BRINP2: variants seen among roughly 807,000 people sequenced by gnomAD.
The protein encoded by BRINP2 is BMP/retinoic acid-inducible neural-specific protein 2.
Under a neutral mutation model 69.2 loss-of-function variants are expected in BRINP2, and 21 were observed. The observed-to-expected ratio is 0.30, with a 90% confidence interval of 0.22 to 0.44. BRINP2 has a LOEUF of 0.44. BRINP2 is among the 20% of genes least tolerant of loss of function. The probability of loss-of-function intolerance (pLI) is 1.00; values close to 1 mark genes in which losing one functional copy is unlikely to be tolerated. For missense variants in BRINP2, 877 were observed against 986.0 expected, an observed-to-expected ratio of 0.89 and a Z score of 1.48; for synonymous variants, 380 against 394.1, an observed-to-expected ratio of 0.96 and a Z score of 0.42.
chr1:177,176,694 C>T (rs913757145), intron 1 of BRINP2, among the ~76,000 whole-genome samples: 1 of 151,846 alleles, frequency 6.6e-6, no homozygotes, highest in African/African-American at 2.4e-5. Flanking sequence ...CCAGAGTGAG[C>T]CTTAAGGCAT....
At chr1:177,242,549 A>G (rs1297444674) in intron 2 of BRINP2, among the ~76,000 whole-genome samples, 1 of 152,052 alleles carries the variant, frequency 6.6e-6, no homozygotes, top group Non-Finnish European at 1.5e-5. Flanking sequence ...TTTCAAACTC[A>G]TCTAAATTAT....
At position 177,230,145 on chromosome 1, in the gene BRINP2, G is replaced by A; in HGVS notation, c.269G>A (p.Arg90Lys). The change falls in exon 2 of 8, where the codon AGG (arginine) becomes AAG (lysine). Residue 90 changes from arginine to lysine, a missense_variant and splice_region_variant. Coordinates refer to ENST00000361539, the MANE Select transcript of BRINP2 (RefSeq NM_021165.4). ...TTCACCACCAGGTACAGGATTTATA[G>A]GTAAGTGGGGGCCTCCACTGAGACA... ...QGFTTRYRIYREFARWKVNNL... is the reference protein window; with the variant it reads ...QGFTTRYRIYKEFARWKVNNL... 5 of 1,594,824 alleles carry A rather than the reference G, an allele frequency of 3.1e-6. No individual in the cohort carries two copies. Among genetic ancestry groups the A allele is most frequent in the Non-Finnish European group, 4.3e-6 (5 of 1,167,608 alleles).
intron 2 of BRINP2, among the ~76,000 whole-genome samples, chr1:177,247,371 T>G (rs1217038632): frequency 2.6e-5 from 4 of 152,150 alleles, no homozygotes; most frequent in Admixed American, 6.5e-5. Context: ...CCAGAACTGG[T>G]TGGTATGTGA....
intron 2 of BRINP2, among the ~76,000 whole-genome samples, chr1:177,240,737 G>A (rs142458819): frequency 2.0e-5 from 3 of 152,318 alleles, no homozygotes; most frequent in Non-Finnish European, 1.5e-5. Flanking sequence ...GAAAACCACA[G>A]GGCTTATTAG....
intron 1 of BRINP2, among the ~76,000 whole-genome samples, chr1:177,179,203 A>G (rs1001173068): frequency 6.6e-6 from 1 of 150,724 alleles, no homozygotes; most frequent in Admixed American, 6.6e-5. Context: ...AAGAAGATAA[A>G]ATAGAGTATT....
At chr1:177,237,079 T>G in intron 2 of BRINP2, among the ~76,000 whole-genome samples, 1 of 152,192 alleles carries the variant, frequency 6.6e-6, no homozygotes, top group East Asian at 1.9e-4. Flanking sequence ...TCTCAACTGG[T>G]GAGGAGATGG....
Position 177,171,106 on chromosome 1 carries a change from G to A in BRINP2, c.-703G>A, listed in dbSNP as rs757213787. Among the ~76,000 whole-genome samples, 1 of 152,244 alleles carries A rather than the reference G, an allele frequency of 6.6e-6. No individual in the cohort carries two copies. Among genetic ancestry groups the A allele is most frequent in the Non-Finnish European group, 1.5e-5 (1 of 68,044 alleles). On this transcript the variant is annotated 5_prime_UTR_variant, in exon 1 of 8. Coordinates refer to ENST00000361539, the MANE Select transcript of BRINP2 (RefSeq NM_021165.4). Reference sequence around the variant, plus strand: ...ACGCTGAGCTCGGAGGATCCCATTAGGACTTGCCCGGGGATGTGCACCTGC... The same window carrying A: ...ACGCTGAGCTCGGAGGATCCCATTAAGACTTGCCCGGGGATGTGCACCTGC...
chr1:177,268,313 T>C (rs1174019424), intron 4 of BRINP2, among the ~76,000 whole-genome samples: 1 of 152,184 alleles, frequency 6.6e-6, no homozygotes, highest in South Asian at 2.1e-4. Context: ...TAGCTAACAC[T>C]CTTTTGTTGG....
chr1:177,177,797 A>G (rs12097418), intron 1 of BRINP2, among the ~76,000 whole-genome samples: 23,856 of 152,214 alleles, frequency 0.16, 3,803 homozygotes, highest in African/African-American at 0.41. Flanking sequence ...AGATAAAATA[A>G]GTAAGGTGCC....
At chr1:177,194,317 G>A (rs1280298879) in intron 1 of BRINP2, among the ~76,000 whole-genome samples, 1 of 152,090 alleles carries the variant, frequency 6.6e-6, no homozygotes, top group Non-Finnish European at 1.5e-5. Context: ...TCTTAGTCCT[G>A]GTTCCTTCTA....
At chr1:177,280,356 G>T in intron 7 of BRINP2, 56 bp from the exon 8 acceptor site, 1 of 1,485,246 alleles carries the variant, frequency 6.7e-7, no homozygotes, top group Middle Eastern at 1.8e-4. Context: ...CCTTAAGAAG[G>T]GTGTCAGTGT....
chr1:177,252,472 C>T (rs1431707152), intron 2 of BRINP2, among the ~76,000 whole-genome samples: 1 of 152,048 alleles, frequency 6.6e-6, no homozygotes, highest in Non-Finnish European at 1.5e-5. Context: ...TCCGGCACAA[C>T]AGTGTATTGG....
chr1:177,240,685 G>C (rs1168912449), intron 2 of BRINP2, among the ~76,000 whole-genome samples: 1 of 152,188 alleles, frequency 6.6e-6, no homozygotes, highest in Non-Finnish European at 1.5e-5. Flanking sequence ...ATGTGTGCAT[G>C]TTGGTGCCTA....
chr1:177,268,099 G>A (rs1011850851), intron 4 of BRINP2, among the ~76,000 whole-genome samples: 3 of 152,110 alleles, frequency 2.0e-5, no homozygotes, highest in African/African-American at 7.2e-5. Flanking sequence ...CCTGTTCAAG[G>A]ACCCATTGCT....
intron 1 of BRINP2, among the ~76,000 whole-genome samples, chr1:177,229,123 AC>A (rs947875997): frequency 6.6e-6 from 1 of 152,226 alleles, no homozygotes; most frequent in African/African-American, 2.4e-5. Context: ...ATATCTGAGT[AC>A]CCCATTCCAA....
At chr1:177,207,332 T>G (rs184314930) in intron 1 of BRINP2, among the ~76,000 whole-genome samples, 272 of 152,224 alleles carry the variant, frequency 1.8e-3, no homozygotes, top group African/African-American at 6.2e-3. Context: ...GAGAAAACTT[T>G]GAACCTGAGG....
At chr1:177,244,670 C>A (rs1650319463) in intron 2 of BRINP2, among the ~76,000 whole-genome samples, 1 of 151,792 alleles carries the variant, frequency 6.6e-6, no homozygotes, top group Non-Finnish European at 1.5e-5. Context: ...TATTCTTACT[C>A]ATTCATGTGC....
chr1:177,216,800 T>A (rs1649393955), intron 1 of BRINP2, among the ~76,000 whole-genome samples: 2 of 148,554 alleles, frequency 1.3e-5, no homozygotes, highest in African/African-American at 4.9e-5. Flanking sequence ...TTTTTTTCAC[T>A]TCACCACTTT....
At chr1:177,267,857 A>G (rs1383203834) in intron 4 of BRINP2, among the ~76,000 whole-genome samples, 5 of 152,200 alleles carry the variant, frequency 3.3e-5, no homozygotes, top group Non-Finnish European at 7.3e-5. Context: ...AGAGGTCACC[A>G]TCCTTGGAAA....
Sources: gnomAD v4.1 joint callset for allele counts (sites outside exome capture counted in the v4.1 genomes callset) on GRCh38, gnomAD v4.1.1 for gene constraint, MANE v1.5 for transcripts, NCBI Gene and HGNC (gene_info 2026-07-23, HGNC 2026-07-21) for gene names.